Variants in DGKI observed in about 807,000 individuals in gnomAD.
The protein encoded by DGKI is diacylglycerol kinase iota.
DGKI carries 55 observed loss-of-function variants against 147.5 expected under a neutral mutation model. That is an observed-to-expected ratio of 0.37 (90% CI 0.30 to 0.47). DGKI has a LOEUF of 0.47. Ranked by LOEUF, DGKI falls within the 20% of genes least tolerant of loss-of-function variation. The pLI, the probability that DGKI is intolerant of heterozygous loss-of-function variation, is 1.00. For synonymous variants in DGKI, 469 were observed against 477.1 expected (o/e 0.98, Z 0.22); for missense variants, 1,007 against 1,323.8 (o/e 0.76, Z 3.71).
In DGKI at chr7:137,424,681, A is replaced by T. The variant is rs569795694; in HGVS notation, c.2762-12474T>A. ...GCACCTGGAAAATCAGGTCACTCCC[A>T]CCCTAATACTGTGCTTTTCCAACGG... On this transcript the variant is annotated intron_variant, in intron 28 of 32. Coordinates refer to ENST00000614521, the MANE Select transcript of DGKI (RefSeq NM_001321708.2). Among the ~76,000 whole-genome samples, 40 of 152,306 alleles carry T rather than the reference A, an allele frequency of 2.6e-4. No homozygotes were observed. The South Asian group carries it at 7.7e-3, about 29-fold the overall frequency.
At chr7:137,765,781 G>A (rs975358197) in intron 1 of DGKI, among the ~76,000 whole-genome samples, 2 of 152,136 alleles carry the variant, frequency 1.3e-5, no homozygotes, top group Admixed American at 6.5e-5. Flanking sequence ...GGCAGCATAC[G>A]ATACGGAGGC....
intron 5 of DGKI, among the ~76,000 whole-genome samples, chr7:137,652,031 A>G (rs1822045464): frequency 6.6e-6 from 1 of 152,222 alleles, no homozygotes; most frequent in Non-Finnish European, 1.5e-5. Flanking sequence ...AATAATTTAT[A>G]TAGTTAACAC....
At chr7:137,546,232 C>G (rs1039033948) in intron 20 of DGKI, among the ~76,000 whole-genome samples, 2 of 152,068 alleles carry the variant, frequency 1.3e-5, no homozygotes. Flanking sequence ...AGGCTGGGAT[C>G]GATGCTGGAC....
At chr7:137,794,912 A>G (rs1049553960) in intron 1 of DGKI, among the ~76,000 whole-genome samples, 2 of 152,308 alleles carry the variant, frequency 1.3e-5, no homozygotes, top group African/African-American at 4.8e-5. Context: ...TAAAGAGGAG[A>G]CAAGCATCAG....
chr7:137,781,279 G>C (rs1026879420), intron 1 of DGKI, among the ~76,000 whole-genome samples: 1 of 152,166 alleles, frequency 6.6e-6, no homozygotes, highest in African/African-American at 2.4e-5. Context: ...CAGTAGCAAC[G>C]CATTGTTTTT....
chr7:137,810,640 T>C (rs1333547251), intron 1 of DGKI, among the ~76,000 whole-genome samples: 1 of 152,238 alleles, frequency 6.6e-6, no homozygotes, highest in Admixed American at 6.5e-5. Flanking sequence ...AGTTTATGTC[T>C]ATCTAGCACT....
In DGKI at chr7:137,846,640, C is replaced by T. The variant is rs764154629; in HGVS notation, c.223G>A (p.Gly75Ser). 1.6e-5 allele frequency: 17 copies of T among 1,067,126 alleles called. No individual in the cohort carries two copies. Among genetic ancestry groups the T allele is most frequent in the Non-Finnish European group, 1.7e-5 (15 of 885,912 alleles). 66.1% of individuals were successfully genotyped at this position (1,067,126 alleles called of 1,614,324 possible). A position where few individuals can be genotyped will look rare whatever the true frequency, so the allele number is the denominator to read the frequency against. Residue 75 changes from glycine to serine, a missense_variant, in exon 1 of 33, where the codon GGC becomes AGC. Physicochemically the swap from Gly to Ser is moderately conservative, Grantham distance 56 (BLOSUM62 0). Transcript: ENST00000614521. This position sits in a 1 kb window ranked among gnomAD's most constrained non-coding sequence, Gnocchi z 4.0. Reference protein sequence around the residue: ...ATGGSSSSGSGAGSCCLGAEG... With the variant: ...ATGGSSSSGSSAGSCCLGAEG... Reference sequence around the variant, plus strand: ...GCGCCCAGGCAGCAGCTCCCGGCGCCGCTTCCGCTGCTGCTGCTGCCGCCC... The same window carrying T: ...GCGCCCAGGCAGCAGCTCCCGGCGCTGCTTCCGCTGCTGCTGCTGCCGCCC...
intron 28 of DGKI, among the ~76,000 whole-genome samples, chr7:137,426,966 C>A (rs1402271162): frequency 1.3e-5 from 2 of 150,436 alleles, no homozygotes; most frequent in African/African-American, 4.9e-5. Context: ...CTTTAACACC[C>A]CACTGTCAAC....
chr7:137,843,726 T>C (rs1798620430), intron 1 of DGKI, among the ~76,000 whole-genome samples: 1 of 145,900 alleles, frequency 6.9e-6, no homozygotes, highest in Admixed American at 7.0e-5. Flanking sequence ...ATATGTTCCT[T>C]AGCAACAGAA....
At chr7:137,397,757 C>T (rs564515150) in intron 30 of DGKI, among the ~76,000 whole-genome samples, 1 of 152,288 alleles carries the variant, frequency 6.6e-6, no homozygotes, top group East Asian at 1.9e-4. Flanking sequence ...CTTTAGGAAT[C>T]AGGGCAATTT....
At chr7:137,608,312 G>A (rs73455308) in intron 10 of DGKI, among the ~76,000 whole-genome samples, 6,246 of 152,202 alleles carry the variant, frequency 0.041, 384 homozygotes, top group African/African-American at 0.13. Context: ...GAAGATAATC[G>A]GATGAAGAGA....
intron 1 of DGKI, among the ~76,000 whole-genome samples, chr7:137,691,809 T>TTTTTTTTTTTTG (rs1823620885): frequency 7.1e-5 from 10 of 141,072 alleles, no homozygotes; most frequent in African/African-American, 2.8e-4. Flanking sequence ...TTTTTTTTTT[T>TTTTTTTTTTTTG]TTTTTTTTTT....
At chr7:137,740,699 TA>T (rs1795150879) in intron 1 of DGKI, among the ~76,000 whole-genome samples, 1 of 152,226 alleles carries the variant, frequency 6.6e-6, no homozygotes, top group Non-Finnish European at 1.5e-5. Flanking sequence ...GTCATGTGAA[TA>T]TTTAACCAGG....
At chr7:137,465,814 T>C in intron 26 of DGKI, 94 bp downstream of exon 26, 5 of 1,464,888 alleles carry the variant, frequency 3.4e-6, no homozygotes, top group Non-Finnish European at 4.6e-6. Flanking sequence ...TTCAAAATCA[T>C]TTGATGTCAT....
chr7:137,482,949 A>T (rs1275611999), intron 23 of DGKI, among the ~76,000 whole-genome samples: 4 of 152,086 alleles, frequency 2.6e-5, no homozygotes, highest in Admixed American at 2.6e-4. Flanking sequence ...GTTATCCTAG[A>T]TGTTCAGCAC....
intron 28 of DGKI, among the ~76,000 whole-genome samples, chr7:137,423,749 T>C (rs1455517870): frequency 2.0e-5 from 3 of 152,184 alleles, no homozygotes; most frequent in Non-Finnish European, 4.4e-5. Flanking sequence ...GCAAAGGTCA[T>C]GTTCAGAGAC....
intron 20 of DGKI, among the ~76,000 whole-genome samples, chr7:137,524,240 T>C (rs1167072733): frequency 1.3e-5 from 2 of 152,164 alleles, no homozygotes; most frequent in African/African-American, 4.8e-5. Flanking sequence ...AATAATTATA[T>C]ATGGCATAAG....
chr7:137,654,693 T>A, intron 5 of DGKI, 39 bp downstream of exon 5: 1 of 1,379,464 alleles, frequency 7.2e-7, no homozygotes, highest in African/African-American at 1.4e-5. Flanking sequence ...CAATGAGAAA[T>A]CAAAGGTGAT....
chr7:137,441,351 G>A lies in DGKI; in HGVS notation c.2761+2726C>T, dbSNP rs565000129. Among the ~76,000 whole-genome samples, 3 of 145,734 alleles carry A rather than the reference G, an allele frequency of 2.1e-5. No individual in the cohort carries two copies. The South Asian group carries it at 6.6e-4, about 32-fold the overall frequency. ...CAGGAGAATGGTGTGAACCCGGGAA[G>A]CAGAGCTTGCAGTGAGCCGAGATCG... On this transcript the variant is annotated intron_variant, in intron 28 of 32. Coordinates refer to ENST00000614521, the MANE Select transcript of DGKI (RefSeq NM_001321708.2).
Sources: gnomAD v4.1 joint callset for allele counts (sites outside exome capture counted in the v4.1 genomes callset) on GRCh38, gnomAD v4.1.1 for gene constraint, Gnocchi (gnomAD v3.1) non-coding constraint, MANE v1.5 for transcripts, NCBI Gene and HGNC (gene_info 2026-07-23, HGNC 2026-07-21) for gene names.